Variants in ZNF800 observed in about 807,000 individuals in gnomAD.
ZNF800 encodes zinc finger protein 800.
ZNF800 carries 13 observed loss-of-function variants against 59.5 expected under a neutral mutation model. The ratio of observed to expected loss-of-function variants is 0.22; its 90% CI spans 0.14 to 0.35. The LOEUF is 0.35. ZNF800 is among the 10% of genes least tolerant of loss of function. ZNF800 has a pLI of 1.00. For missense variants in ZNF800, 621 were observed against 783.7 expected (o/e 0.79, Z 2.48); for synonymous variants, 266 against 265.7 (o/e 1.00, Z -0.01).
Position 127,374,196 on chromosome 7 carries a change from A to G in ZNF800, c.1140T>C (p.Ile380=). ...TTCCAGAAAGAGTTATCTTGTGGAC[A>G]ATTTGCATATGTCTTTTAAGCATTA... ...SQIMLKRHMQ[I]VHKITLSGTN... is the part of the protein sequence containing the mutation. The change falls in exon 5 of 6, where the codon ATT becomes ATC. Residue 380 remains isoleucine (I), a synonymous_variant. Transcript: ENST00000265827. The G allele has an allele frequency of 6.2e-7, 1 of 1,614,046 alleles. No individual in the cohort carries two copies. Among genetic ancestry groups the G allele is most frequent in the Non-Finnish European group, 8.5e-7 (1 of 1,179,992 alleles).
intron 3 of ZNF800, among the ~76,000 whole-genome samples, chr7:127,382,060 CAA>C (rs998031810): frequency 6.6e-6 from 1 of 151,968 alleles, no homozygotes; most frequent in Non-Finnish European, 1.5e-5. Flanking sequence ...CCCTAAGAGT[CAA>C]AAAAAGAGTT....
chr7:127,376,415 T>A (rs978403644), intron 4 of ZNF800, among the ~76,000 whole-genome samples: 54 of 152,050 alleles, frequency 3.6e-4, no homozygotes, highest in African/African-American at 1.2e-3. Context: ...AATATTGAAT[T>A]TTTTTAAATT....
chr7:127,356,231 T>C (rs188881439), intron 1 of ZNF800, among the ~76,000 whole-genome samples: 80 of 151,838 alleles, frequency 5.3e-4, no homozygotes, highest in Non-Finnish European at 9.4e-4. Flanking sequence ...AGATATTTGT[T>C]ATTACATGGA....
Position 127,392,124 on chromosome 7 carries a change from A to G in ZNF800, c.-123T>C. On this transcript the variant is annotated 5_prime_UTR_variant, in exon 1 of 6. Coordinates refer to ENST00000265827, the MANE Select transcript of ZNF800 (RefSeq NM_176814.5). ...GAAGGCAGGCCGGGCGGCCGCGGGG[A>G]CAGCCTGGCGTGGGAGGCGGCTGCG... is the stretch of plus-strand genomic sequence containing the variant. 1 of 393,888 alleles carries G rather than the reference A, an allele frequency of 2.5e-6. No homozygotes were observed. The highest frequency in any genetic ancestry group is 3.6e-5 in the East Asian group (1 of 27,734). The allele number at this position is 393,888 out of a possible 1,614,324, so 24.4% of individuals were successfully genotyped here.
intron 3 of ZNF800, 144 bp downstream of exon 3, chr7:127,385,916 T>C (rs1399562369): frequency 3.7e-6 from 2 of 540,370 alleles, no homozygotes; most frequent in Admixed American, 3.6e-5. Context: ...ACATCCACTT[T>C]TTTAAAATAT....
chr7:127,368,334 T>G (rs1204526201), downstream of ZNF800, among the ~76,000 whole-genome samples: 2 of 152,130 alleles, frequency 1.3e-5, no homozygotes, highest in African/African-American at 4.8e-5. Flanking sequence ...TCCTTATTCC[T>G]TTTCAATACC....
downstream of ZNF800, among the ~76,000 whole-genome samples, chr7:127,343,295 T>A (rs1295424804): frequency 6.6e-6 from 1 of 151,534 alleles, no homozygotes; most frequent in Non-Finnish European, 1.5e-5. Flanking sequence ...TGCTGGTTCC[T>A]TAAAAAGACT....
intron 5 of ZNF800, among the ~76,000 whole-genome samples, chr7:127,372,438 C>T (rs184619870): frequency 1.3e-5 from 2 of 149,604 alleles, no homozygotes; most frequent in African/African-American, 2.5e-5. Flanking sequence ...CGAGATTGCA[C>T]CACTGCACTC....
chr7:127,348,614 TGA>T (rs1254317801), intron 1 of ZNF800, among the ~76,000 whole-genome samples: 2 of 152,260 alleles, frequency 1.3e-5, no homozygotes, highest in African/African-American at 2.4e-5. Flanking sequence ...TTGTACCATG[TGA>T]GTGTATACTT....
chr7:127,391,376 G>A (rs1801307188), intron 2 of ZNF800, 121 bp downstream of exon 2: 1 of 954,974 alleles, frequency 1.0e-6, no homozygotes, highest in East Asian at 2.5e-5. Context: ...GCTTATGCTA[G>A]GGAATATCAT....
At chr7:127,362,592 G>A (rs1456529117) in intron 1 of ZNF800, 1 of 152,022 alleles carries the variant, frequency 6.6e-6, no homozygotes, top group East Asian at 1.9e-4. Context: ...CCCGAGCATT[G>A]TGCTAGGCCC....
intron 1 of ZNF800, chr7:127,364,798 A>C (rs1800471005): frequency 6.6e-6 from 1 of 152,100 alleles, no homozygotes; most frequent in Non-Finnish European, 1.5e-5. Flanking sequence ...TCCTGATGTG[A>C]AAAGAGCATA....
At chr7:127,387,038 T>C (rs113359338) in intron 2 of ZNF800, among the ~76,000 whole-genome samples, 1 of 152,078 alleles carries the variant, frequency 6.6e-6, no homozygotes, top group Non-Finnish European at 1.5e-5. Context: ...AAAGGACACA[T>C]TTTTACAATA....
At chr7:127,359,206 C>T (rs1163487076) in intron 1 of ZNF800, among the ~76,000 whole-genome samples, 1 of 150,750 alleles carries the variant, frequency 6.6e-6, no homozygotes, top group Non-Finnish European at 1.5e-5. Flanking sequence ...ACACCATCTA[C>T]ACATCAGCAG....
chr7:127,390,184 A>C (rs1366007144), intron 2 of ZNF800, among the ~76,000 whole-genome samples: 20 of 152,206 alleles, frequency 1.3e-4, no homozygotes, highest in Non-Finnish European at 2.6e-4. Flanking sequence ...GAAAAAAAAA[A>C]CTAGACTAAA....
At chr7:127,348,158 G>C (rs1800105151) in intron 1 of ZNF800, 1 of 152,116 alleles carries the variant, frequency 6.6e-6, no homozygotes, top group Admixed American at 6.5e-5. Flanking sequence ...GCAGACCCAC[G>C]GGCAGTGCGG....
chr7:127,382,873 G>T (rs1801014931), intron 3 of ZNF800, among the ~76,000 whole-genome samples: 1 of 152,172 alleles, frequency 6.6e-6, no homozygotes, highest in South Asian at 2.1e-4. Context: ...TGAGCAAAGG[G>T]GAACTGAAGG....
downstream of ZNF800, among the ~76,000 whole-genome samples, chr7:127,344,932 A>G (rs143317533): frequency 1.1e-3 from 168 of 152,326 alleles, no homozygotes; most frequent in African/African-American, 3.8e-3. Flanking sequence ...AGACCTCTTT[A>G]AACATAACAC....
chr7:127,346,490 T>G (rs189302331), downstream of ZNF800, among the ~76,000 whole-genome samples: 11 of 152,222 alleles, frequency 7.2e-5, no homozygotes, highest in South Asian at 8.3e-4. Context: ...TGTTCAAGAG[T>G]GCTGAAAGCA....
Sources: allele counts gnomAD v4.1 joint callset (sites outside exome capture counted in the v4.1 genomes callset), GRCh38; gene constraint gnomAD v4.1.1; transcripts MANE v1.5; gene names NCBI Gene and HGNC (gene_info 2026-07-23, HGNC 2026-07-21).